The following CCL28 variants were observed in gnomAD, a reference collection of about 807,000 sequenced individuals.
The protein encoded by CCL28 is C-C motif chemokine 28.
CCL28 carries 4 observed loss-of-function variants against 7.1 expected under a neutral mutation model. That is an observed-to-expected ratio of 0.56 (90% CI 0.28 to 1.29). The LOEUF is 1.29. Among genes scored for constraint, CCL28 ranks in the 50% most tolerant of loss-of-function variants. The probability of loss-of-function intolerance (pLI) is 0.11; values close to 1 mark genes in which losing one functional copy is unlikely to be tolerated. For synonymous variants in CCL28, 55 were observed against 57.8 expected (o/e 0.95, Z 0.22); for missense variants, 151 against 163.4 (o/e 0.92, Z 0.41).
At chr5:43,358,744 T>C in the CCL28 span, among the ~76,000 whole-genome samples, 75 of 152,328 alleles carry the variant, frequency 4.9e-4, no homozygotes, top group Admixed American at 1.3e-3. Context: ...TTAAAAAATA[T>C]ATATTTACAG....
chr5:43,408,114 A>G (rs927554629), intron 1 of CCL28, among the ~76,000 whole-genome samples: 2 of 152,228 alleles, frequency 1.3e-5, no homozygotes, highest in African/African-American at 4.8e-5. Context: ...TAGAAATACT[A>G]TTTGACCAGC....
At chr5:43,392,217 A>G (rs1740602564) in intron 1 of CCL28, among the ~76,000 whole-genome samples, 1 of 152,168 alleles carries the variant, frequency 6.6e-6, no homozygotes, top group African/African-American at 2.4e-5. Context: ...CCGGGGTTCA[A>G]GAGATTCTCC....
At chr5:43,402,870 G>A (rs1741097556) in intron 1 of CCL28, among the ~76,000 whole-genome samples, 1 of 152,238 alleles carries the variant, frequency 6.6e-6, no homozygotes, top group Non-Finnish European at 1.5e-5. Flanking sequence ...TATATCCCAT[G>A]CCTGGCTTGG....
chr5:43,409,813 T>C (rs1390688675), intron 1 of CCL28, among the ~76,000 whole-genome samples: 1 of 151,724 alleles, frequency 6.6e-6, no homozygotes, highest in Non-Finnish European at 1.5e-5. Flanking sequence ...AGATTGTGGG[T>C]TTAAATAATC....
intron 1 of CCL28, among the ~76,000 whole-genome samples, chr5:43,409,362 G>T (rs2111922521): frequency 1.3e-5 from 2 of 152,222 alleles, no homozygotes; most frequent in East Asian, 3.9e-4. Context: ...GGAGGCGGAG[G>T]TTGCAGTGAG....
chr5:43,375,599 C>T (rs1326532790), downstream of CCL28, among the ~76,000 whole-genome samples: 1 of 151,618 alleles, frequency 6.6e-6, no homozygotes, highest in African/African-American at 2.4e-5. Context: ...GACGTGAATG[C>T]TGTTACTTAA....
intron 1 of CCL28, among the ~76,000 whole-genome samples, chr5:43,408,402 C>T (rs1401172827): frequency 6.6e-6 from 1 of 152,200 alleles, no homozygotes; most frequent in East Asian, 1.9e-4. Context: ...GAAAACCAAA[C>T]ACCGCATGTT....
At chr5:43,360,803 A>G in the CCL28 span, among the ~76,000 whole-genome samples, 1 of 151,898 alleles carries the variant, frequency 6.6e-6, no homozygotes, top group African/African-American at 2.4e-5. Flanking sequence ...TGTTTCTTAT[A>G]GATTCTGGAT....
At position 43,381,915 on chromosome 5, in the gene CCL28, CT is replaced by C; in HGVS notation, c.328del (p.Ser110ValfsTer44). On this transcript the variant is annotated frameshift_variant, in exon 3 of 3. Transcript: ENST00000361115. LOFTEE classifies it low-confidence loss of function (END_TRUNC). Reference protein sequence around the residue: ...HRKKHHGKRNSNRAHQGKHET... With the variant: ...HRKKHHGKRNXNRAHQGKHET... ...GTGTTTCCCCTGATGTGCCCTGTTACTGTTCCTCTTGCCATGGTGTTTCTTC... is the reference window on the plus strand; with the variant it reads ...GTGTTTCCCCTGATGTGCCCTGTTACGTTCCTCTTGCCATGGTGTTTCTTC... 1 of 1,614,148 alleles carries C rather than the reference CT, an allele frequency of 6.2e-7. No individual in the cohort carries two copies. The highest frequency in any genetic ancestry group is 1.1e-5 in the South Asian group (1 of 91,076).
chr5:43,410,870 A>G (rs1019588968), intron 1 of CCL28, among the ~76,000 whole-genome samples: 4 of 152,236 alleles, frequency 2.6e-5, no homozygotes, highest in Non-Finnish European at 5.9e-5. Context: ...ACAGAAACAT[A>G]AAGTGACAAA....
the CCL28 span, among the ~76,000 whole-genome samples, chr5:43,370,239 G>A: frequency 1.3e-5 from 2 of 152,174 alleles, no homozygotes; most frequent in African/African-American, 2.4e-5. Context: ...TGAGTTAGAC[G>A]GCAATATATA....
chr5:43,382,511 C>T (rs1239574028), intron 2 of CCL28, among the ~76,000 whole-genome samples: 3 of 152,234 alleles, frequency 2.0e-5, no homozygotes, highest in East Asian at 1.9e-4. Context: ...AGCTAGATGC[C>T]GTCTTTTTTC....
chr5:43,361,789 A>G, the CCL28 span, among the ~76,000 whole-genome samples: 4 of 151,030 alleles, frequency 2.6e-5, no homozygotes, highest in Non-Finnish European at 5.9e-5. Flanking sequence ...GTTGAAGCTG[A>G]TCAGATAGTT....
At chr5:43,362,562 A>G in the CCL28 span, among the ~76,000 whole-genome samples, 1 of 152,190 alleles carries the variant, frequency 6.6e-6, no homozygotes, top group Non-Finnish European at 1.5e-5. Flanking sequence ...GTTTTAAGTA[A>G]TAATTGCTAA....
At chr5:43,398,859 G>A (rs1740922426) in intron 1 of CCL28, among the ~76,000 whole-genome samples, 1 of 146,210 alleles carries the variant, frequency 6.8e-6, no homozygotes, top group African/African-American at 2.5e-5. Context: ...CAAAAAAAAA[G>A]AAGAGAAATT....
At chr5:43,366,463 C>T in the CCL28 span, among the ~76,000 whole-genome samples, 1 of 152,350 alleles carries the variant, frequency 6.6e-6, no homozygotes, top group African/African-American at 2.4e-5. Context: ...AGGTCCACTT[C>T]AGACCCTGTT....
intron 1 of CCL28, among the ~76,000 whole-genome samples, chr5:43,399,078 C>T (rs181300487): frequency 6.9e-4 from 105 of 152,190 alleles, no homozygotes; most frequent in East Asian, 2.3e-3. Context: ...CTTGGATATC[C>T]CACAGGCACC....
intron 1 of CCL28, among the ~76,000 whole-genome samples, chr5:43,406,749 G>A (rs183566741): frequency 2.2e-4 from 33 of 152,306 alleles, no homozygotes; most frequent in African/African-American, 7.5e-4. Flanking sequence ...AAACCCCATT[G>A]TCTCAGCCCC....
downstream of CCL28, among the ~76,000 whole-genome samples, chr5:43,377,895 G>A (rs1739950222): frequency 6.7e-6 from 1 of 149,496 alleles, no homozygotes. Flanking sequence ...ACTACGCCCG[G>A]CTAATTTTTT....
Sources: allele counts gnomAD v4.1 joint callset (sites outside exome capture counted in the v4.1 genomes callset), GRCh38; gene constraint gnomAD v4.1.1; transcripts MANE v1.5; gene names NCBI Gene and HGNC (gene_info 2026-07-23, HGNC 2026-07-21).